Variants in SLC1A7 observed in about 807,000 individuals in gnomAD.
SLC1A7 encodes the protein solute carrier family 1 member 7, also known as excitatory amino acid transporter 5.
In SLC1A7, 40 loss-of-function variants were observed where a neutral mutation model predicts 47.7. That is an observed-to-expected ratio of 0.84 (90% confidence interval 0.65 to 1.09). The LOEUF (loss-of-function observed/expected upper bound fraction) is 1.09, where lower values mean the gene tolerates loss of function less well. SLC1A7 is among the 50% of genes least tolerant of loss of function. The probability of loss-of-function intolerance (pLI) is 0.00; values close to 1 mark genes in which losing one functional copy is unlikely to be tolerated. For synonymous variants in SLC1A7, 323 were observed against 325.6 expected, an observed-to-expected ratio of 0.99 and a Z score of 0.09; for missense variants, 746 against 769.5, an observed-to-expected ratio of 0.97 and a Z score of 0.36.
chr1:53,105,689 T>G lies in SLC1A7; in HGVS notation c.474+43A>C, dbSNP rs761760753. On this transcript the variant is annotated intron_variant, in intron 4 of 10. Coordinates refer to ENST00000371494, the MANE Select transcript of SLC1A7 (RefSeq NM_006671.6). The stretch of plus-strand genomic sequence containing the variant: ...TAGCCCTGCTGCCTGCCCTCCTGCC[T>G]GCTGCCCCTTCCCTCCCCTCCACTG... 2.0e-5 allele frequency: 30 copies of G among 1,502,676 alleles called. 1 individual carries two copies. In the South Asian group the frequency reaches 3.4e-4, roughly 17 times the overall value. The allele number at this position is 1,502,676 out of a possible 1,614,324, so 93.1% of individuals were successfully genotyped here.
chr1:53,141,868 T>C (rs1645060750), intron 1 of SLC1A7, among the ~76,000 whole-genome samples: 1 of 152,180 alleles, frequency 6.6e-6, no homozygotes, highest in Non-Finnish European at 1.5e-5. Flanking sequence ...CGATGGGACC[T>C]ATGGGCCTGC....
Position 53,114,936 on chromosome 1 carries a change from A to G in SLC1A7, c.253T>C (p.Ser85Pro), listed in dbSNP as rs1421693238. The part of the protein sequence containing the change: ...SGLASLDAKT[S>P]SRLGVLTVAY... ...ACGGTGAGGACGCCCAGGCGGCTAG[A>G]GGTCTTGGCATCCAGGGAGGCAAGT... is the stretch of plus-strand genomic sequence containing the variant. The change falls in exon 3 of 11, where the codon TCT becomes CCT. Residue 85 changes from serine (S) to proline (P), a missense_variant. Physicochemically the swap from Ser to Pro is moderately conservative, Grantham distance 74 (BLOSUM62 -1). Transcript: ENST00000371494. The G allele has an allele frequency of 2.5e-6, 4 of 1,613,926 alleles. No individual in the cohort carries two copies. The highest frequency in any genetic ancestry group is 1.3e-5 in the African/African-American group (1 of 74,922).
chr1:53,088,792 C>T lies in SLC1A7; in HGVS notation c.1464+85G>A, dbSNP rs369776898. The T allele has an allele frequency of 3.1e-3, 3,054 of 982,418 alleles. 60 individuals are homozygous for T. The African/African-American group carries it at 0.041, about 13-fold the overall frequency. 60.9% of individuals were successfully genotyped at this position (982,418 alleles called of 1,614,324 possible). ...GAGGGAGGGATTGGCTGGAGGCTGC[C>T]GAGCTGGTTGGTGGAAGATCTGGTG... On this transcript the variant is annotated intron_variant, in intron 10 of 10. Transcript: ENST00000371494.
intron 8 of SLC1A7, 63 bp downstream of exon 8, chr1:53,090,549 C>T (rs2150313933): frequency 1.4e-6 from 2 of 1,473,402 alleles, no homozygotes; most frequent in African/African-American, 1.4e-5. Flanking sequence ...AGTCTGGGAG[C>T]CTGGGAATCC....
intron 2 of SLC1A7, among the ~76,000 whole-genome samples, chr1:53,128,430 TC>T (rs1294734253): frequency 1.3e-4 from 19 of 144,490 alleles, no homozygotes; most frequent in African/African-American, 1.5e-4. Flanking sequence ...TGAGCTGTGG[TC>T]ATGCCACTGC....
At position 53,142,609 on chromosome 1, in the gene SLC1A7, G is replaced by A. The variant is rs909497128; in HGVS notation, c.-160C>T. Reference sequence around the variant, plus strand: ...GCCCCACGGCCATGCCCGTGTGGCCGCCTTAGAGGGAAGCCACAATCCTAT... The same window carrying A: ...GCCCCACGGCCATGCCCGTGTGGCCACCTTAGAGGGAAGCCACAATCCTAT... On this transcript the variant is annotated 5_prime_UTR_variant, in exon 1 of 11. Transcript: ENST00000371494. 8.6e-6 allele frequency: 6 copies of A among 695,482 alleles called. No individual in the cohort carries two copies. The highest frequency in any genetic ancestry group is 8.2e-5 in the South Asian group (4 of 48,554). 43.1% of individuals were successfully genotyped at this position (695,482 alleles called of 1,614,324 possible). A position where few individuals can be genotyped will look rare whatever the true frequency, so the allele number is the denominator to read the frequency against.
At chr1:53,110,825 G>A (rs1288370) in intron 3 of SLC1A7, among the ~76,000 whole-genome samples, 55,923 of 151,870 alleles carry the variant, frequency 0.37, 11,164 homozygotes, top group Middle Eastern at 0.48. Context: ...CCCACAGTGC[G>A]GCCGTGAGCC....
intron 5 of SLC1A7, among the ~76,000 whole-genome samples, chr1:53,096,942 G>T (rs548473696): frequency 5.1e-5 from 7 of 136,328 alleles, no homozygotes; most frequent in Admixed American, 4.4e-4. Flanking sequence ...ACACCACCTC[G>T]GTACACTCAC....
At chr1:53,136,321 G>A (rs1644993560) in intron 1 of SLC1A7, among the ~76,000 whole-genome samples, 1 of 148,112 alleles carries the variant, frequency 6.8e-6, no homozygotes, top group Admixed American at 6.8e-5. Flanking sequence ...ACCCTCCCAA[G>A]TAGCTGGGAC....
At chr1:53,088,482 C>A (rs963874818) in intron 10 of SLC1A7, among the ~76,000 whole-genome samples, 1 of 152,092 alleles carries the variant, frequency 6.6e-6, no homozygotes, top group African/African-American at 2.4e-5. Context: ...ATTGGTGGAT[C>A]CCCTGCCTGA....
chr1:53,093,206 G>C (rs543507606), intron 6 of SLC1A7, among the ~76,000 whole-genome samples: 23 of 152,336 alleles, frequency 1.5e-4, no homozygotes, highest in African/African-American at 5.0e-4. Context: ...ATGTGATGGA[G>C]AAACTGAGCC....
chr1:53,090,568 C>T, intron 8 of SLC1A7, 44 bp downstream of exon 8: 1 of 1,509,516 alleles, frequency 6.6e-7, no homozygotes, highest in Non-Finnish European at 8.9e-7. Flanking sequence ...CCCCAAGGCC[C>T]CCAGCCCCCG....
rs1169867673 is a variant in SLC1A7, at chr1:53,142,396, T to C, written c.54A>G (p.Gly18=). 2 of 1,607,886 alleles carry C rather than the reference T, an allele frequency of 1.2e-6. No homozygotes were observed. Among genetic ancestry groups the C allele is most frequent in the Admixed American group, 1.7e-5 (1 of 59,380 alleles). The stretch of plus-strand genomic sequence containing the variant: ...CAGACAGCACAGACAGGATGAGGAG[T>C]CCATTCCGCCTGCACACGTCCCTCC... ...ARGRDVCRRN[G]LLILSVLSVI... Residue 18 remains glycine (G), a synonymous_variant, in exon 1 of 11, where the codon GGA becomes GGG. Coordinates refer to ENST00000371494, the MANE Select transcript of SLC1A7 (RefSeq NM_006671.6).
intron 2 of SLC1A7, among the ~76,000 whole-genome samples, chr1:53,131,869 C>T (rs548972036): frequency 1.1e-4 from 17 of 152,102 alleles, no homozygotes; most frequent in Middle Eastern, 3.4e-3. Context: ...GTGCTGTGGC[C>T]GGGAGGGAAC....
intron 2 of SLC1A7, among the ~76,000 whole-genome samples, chr1:53,117,610 C>T (rs1057370199): frequency 1.3e-5 from 2 of 152,334 alleles, no homozygotes; most frequent in East Asian, 3.9e-4. Context: ...CTGCAGTGAG[C>T]CCTGGAACCT....
intron 7 of SLC1A7, among the ~76,000 whole-genome samples, chr1:53,091,194 G>C (rs1330184922): frequency 6.6e-6 from 1 of 152,250 alleles, no homozygotes; most frequent in Non-Finnish European, 1.5e-5. Flanking sequence ...GTCCCAAAAA[G>C]ACCTGGGTCA....
At chr1:53,131,300 C>T (rs1040368682) in intron 2 of SLC1A7, among the ~76,000 whole-genome samples, 1 of 152,182 alleles carries the variant, frequency 6.6e-6, no homozygotes, top group Non-Finnish European at 1.5e-5. Context: ...GGTCGAGGAC[C>T]CTGGCCTCTG....
At chr1:53,126,468 G>A (rs1454535794) in intron 2 of SLC1A7, among the ~76,000 whole-genome samples, 1 of 152,198 alleles carries the variant, frequency 6.6e-6, no homozygotes, top group Non-Finnish European at 1.5e-5. Context: ...CTGGAGTTAC[G>A]CCGGGTTATA....
At chr1:53,130,555 C>T (rs1276574147) in intron 2 of SLC1A7, among the ~76,000 whole-genome samples, 1 of 151,556 alleles carries the variant, frequency 6.6e-6, no homozygotes, top group Non-Finnish European at 1.5e-5. Context: ...CCTTGCCTTC[C>T]TGGGTCACAG....
Sources: gnomAD v4.1 joint callset for allele counts (sites outside exome capture counted in the v4.1 genomes callset) on GRCh38, gnomAD v4.1.1 for gene constraint, MANE v1.5 for transcripts, NCBI Gene and HGNC (gene_info 2026-07-23, HGNC 2026-07-21) for gene names.